Variants in MGAT1 observed in about 807,000 individuals in gnomAD.
MGAT1 encodes the protein alpha-1,3-mannosyl-glycoprotein 2-beta-N-acetylglucosaminyltransferase, also known as N-glycosyl-oligosaccharide-glycoprotein N-acetylglucosaminyltransferase I.
Under a neutral mutation model 31.7 loss-of-function variants are expected in MGAT1, and 14 were observed. The observed-to-expected ratio is 0.44, with a 90% CI of 0.29 to 0.69. MGAT1 has a LOEUF of 0.69. MGAT1 is among the 30% of genes least tolerant of loss of function. The pLI is 0.12. For missense variants in MGAT1, 557 were observed against 626.0 expected (o/e 0.89, Z 1.18); for synonymous variants, 338 against 276.0 (o/e 1.22, Z -2.23).
rs1767759478 is a variant in MGAT1 at position 180,788,863 on chromosome 5, A to G, written c.*2771T>C. 6.6e-6 allele frequency: 1 copy of G among 152,222 alleles called. No homozygotes were observed. The highest frequency in any genetic ancestry group is 2.1e-4 in the South Asian group (1 of 4,816). 9.4% of individuals were successfully genotyped at this position (152,222 alleles called of 1,614,324 possible). A position where few individuals can be genotyped will look rare whatever the true frequency, so the allele number is the denominator to read the frequency against. On this transcript the variant is annotated 3_prime_UTR_variant, in exon 2 of 2. Coordinates refer to ENST00000307826, the MANE Select transcript of MGAT1 (RefSeq NM_002406.4). ...AAGTTGGTACTTATCCTGGAGCACT[A>G]AGTAAGTTGGTACTTATCCTGGAGC...
chr5:180,794,336 CTG>C (rs1282140639), intron 1 of MGAT1, among the ~76,000 whole-genome samples: 2 of 151,106 alleles, frequency 1.3e-5, no homozygotes, highest in African/African-American at 4.9e-5. Flanking sequence ...CTGTAGTGAG[CTG>C]TGATTGGATT....
upstream of MGAT1, among the ~76,000 whole-genome samples, chr5:180,807,514 G>A (rs57876091): frequency 0.13 from 19,301 of 152,198 alleles, 1,282 homozygotes; most frequent in East Asian, 0.24. Context: ...GTCATCTTAA[G>A]GAGCGGGAGA....
chr5:180,802,852 C>G (rs1327006779), upstream of MGAT1: 2 of 150,688 alleles, frequency 1.3e-5, no homozygotes, highest in African/African-American at 4.8e-5. Context: ...GGCCCTTCCC[C>G]GGCAGGCGGG....
At chr5:180,807,019 G>A (rs552392996), upstream of MGAT1, among the ~76,000 whole-genome samples, 4 of 152,320 alleles carry the variant, frequency 2.6e-5, no homozygotes, top group East Asian at 7.7e-4. Flanking sequence ...AGTACAGCTC[G>A]GGAGCAGCAG....
chr5:180,792,180 G>A lies in MGAT1; in HGVS notation c.792C>T (p.Phe264=), dbSNP rs1768285065. ...CCAACAGCAGCCAGCCCAGGCCAGG[G>A]AAAAAGTCGGTGCGGTAGAGCAGCT... ...RPELLYRTDF[F]PGLGWLLLAE... The change falls in exon 2 of 2, where the codon TTC becomes TTT. Residue 264 remains phenylalanine (F), a synonymous_variant. Coordinates refer to ENST00000307826, the MANE Select transcript of MGAT1 (RefSeq NM_002406.4). 3.1e-6 allele frequency: 5 copies of A among 1,613,038 alleles called. No individual in the cohort carries two copies. The highest frequency in any genetic ancestry group is 4.2e-6 in the Non-Finnish European group (5 of 1,179,998).
Position 180,792,942 on chromosome 5 carries a change from C to T in MGAT1, c.30G>A (p.Val10=). ...CCACAAAGAGGATAGCGCCCCACAG[C>T]ACAAGCCCTGCAGACTGCTTCTTCA... MLKKQSAGL[V]LWGAILFVAW... is the part of the protein sequence containing the mutation. Residue 10 remains valine (V), a synonymous_variant, in exon 2 of 2, where the codon GTG becomes GTA. Coordinates refer to ENST00000307826, the MANE Select transcript of MGAT1 (RefSeq NM_002406.4). 2 of 1,613,476 alleles carry T rather than the reference C, an allele frequency of 1.2e-6. No homozygotes were observed. The highest frequency in any genetic ancestry group is 3.3e-5 in the Admixed American group (2 of 60,012).
At chr5:180,808,679 A>T (rs1772180294) in exon 2 of MGAT1, 1 of 152,264 alleles carries the variant, frequency 6.6e-6, no homozygotes, top group South Asian at 2.1e-4. Flanking sequence ...GCTCTCCAGG[A>T]GATCATCAAA....
intron 1 of MGAT1, among the ~76,000 whole-genome samples, chr5:180,814,332 G>T (rs555959702): frequency 6.6e-6 from 1 of 152,254 alleles, no homozygotes; most frequent in East Asian, 1.9e-4. Context: ...CAATCTTATT[G>T]TGCCTCTTGG....
chr5:180,810,275 A>C (rs2626814), intron 1 of MGAT1: 25,866 of 151,430 alleles, frequency 0.17, 2,785 homozygotes, highest in African/African-American at 0.31. Flanking sequence ...TTTTCTACCC[A>C]ACGTCCCCAG....
In MGAT1 at chr5:180,792,785, C is replaced by T; in HGVS notation, c.187G>A (p.Val63Met). ...EVIRLAQDAE[V>M]ELERQRGLLQ... is the part of the protein sequence containing the mutation. ...AGCCCACGCTGCCGCTCCAGCTCCA[C>T]CTCGGCGTCTTGGGCCAGGCGAATC... Residue 63 changes from valine to methionine, a missense_variant, in exon 2 of 2, where the codon GTG becomes ATG. Around this residue, in one of 3 missense-constraint regions of MGAT1, gnomAD observed 167 missense variants for 149.8 expected, o/e 1.11. Coordinates refer to ENST00000307826, the MANE Select transcript of MGAT1 (RefSeq NM_002406.4). 6.4e-7 allele frequency: 1 copy of T among 1,551,496 alleles called. No individual in the cohort carries two copies. Among genetic ancestry groups the T allele is most frequent in the Non-Finnish European group, 8.7e-7 (1 of 1,148,092 alleles).
intron 1 of MGAT1, among the ~76,000 whole-genome samples, chr5:180,799,920 C>CTACATGT (rs1770364551): frequency 6.6e-6 from 1 of 152,160 alleles, no homozygotes; most frequent in Non-Finnish European, 1.5e-5. Context: ...GGACAGGACC[C>CTACATGT]CCATAGGTAT....
chr5:180,792,666 C>T lies in MGAT1; in HGVS notation c.306G>A (p.Ala102=), dbSNP rs763103316. 62 of 1,576,324 alleles carry T rather than the reference C, an allele frequency of 3.9e-5. No individual in the cohort carries two copies. The highest frequency in any genetic ancestry group is 1.7e-4 in the Middle Eastern group (1 of 5,870). Residue 102 remains alanine (A), a synonymous_variant, in exon 2 of 2, where the codon GCG becomes GCA. Coordinates refer to ENST00000307826, the MANE Select transcript of MGAT1 (RefSeq NM_002406.4). The stretch of plus-strand genomic sequence containing the variant: ...TGACCAGGATGGGAATCACCGCCGG[C>T]GCGGGGGTCACAGGCACACGCGGCT... ...PAQPRVPVTP[A]PAVIPILVIA... is the part of the protein sequence containing the mutation.
chr5:180,800,606 A>G (rs1462807644), intron 1 of MGAT1, among the ~76,000 whole-genome samples: 1 of 152,212 alleles, frequency 6.6e-6, no homozygotes, highest in Non-Finnish European at 1.5e-5. Context: ...GTTCCAAGAA[A>G]GCGGGCAAGC....
chr5:180,805,570 T>C (rs926174726), upstream of MGAT1, among the ~76,000 whole-genome samples: 21 of 152,080 alleles, frequency 1.4e-4, no homozygotes, highest in Non-Finnish European at 3.1e-4. Flanking sequence ...GCCAACATAG[T>C]GAAACATCGT....
intron 1 of MGAT1, among the ~76,000 whole-genome samples, chr5:180,814,642 C>G (rs1772758242): frequency 6.6e-6 from 1 of 152,164 alleles, no homozygotes; most frequent in Non-Finnish European, 1.5e-5. Context: ...TTGCTTATGA[C>G]AGAATATCTG....
intron 1 of MGAT1, among the ~76,000 whole-genome samples, chr5:180,798,033 G>A (rs1769880518): frequency 6.6e-6 from 1 of 152,182 alleles, no homozygotes; most frequent in Non-Finnish European, 1.5e-5. Flanking sequence ...GCGGTGACCT[G>A]CTTCTCCAGG....
intron 1 of MGAT1, among the ~76,000 whole-genome samples, chr5:180,793,675 A>T (rs1184794478): frequency 1.3e-5 from 2 of 152,218 alleles, no homozygotes; most frequent in African/African-American, 4.8e-5. Context: ...TTGTGAGAAT[A>T]TGCCTGGAAA....
intron 1 of MGAT1, among the ~76,000 whole-genome samples, chr5:180,794,663 T>C (rs6883373): frequency 0.12 from 18,927 of 152,136 alleles, 1,255 homozygotes; most frequent in East Asian, 0.25. Context: ...GAAACACATG[T>C]TGGGATTTGA....
chr5:180,807,353 T>A (rs187470721), upstream of MGAT1, among the ~76,000 whole-genome samples: 22 of 152,168 alleles, frequency 1.4e-4, no homozygotes, highest in East Asian at 3.7e-3. Flanking sequence ...CTGTGTGTTG[T>A]CCCTGGGAAA....
Sources: allele counts gnomAD v4.1 joint callset (sites outside exome capture counted in the v4.1 genomes callset), GRCh38; gene constraint gnomAD v4.1.1; regional missense constraint gnomAD v4.1.1; transcripts MANE v1.5; gene names NCBI Gene and HGNC (gene_info 2026-07-23, HGNC 2026-07-21).